ZNF536: variants seen among roughly 807,000 people sequenced by gnomAD.
The protein encoded by ZNF536 is zinc finger protein 536.
Under a neutral mutation model 84.5 loss-of-function variants are expected in ZNF536, and 13 were observed. The ratio of observed to expected loss-of-function variants is 0.15; its 90% CI spans 0.10 to 0.24. The LOEUF (loss-of-function observed/expected upper bound fraction) is 0.24. Ranked by LOEUF, ZNF536 falls within the 10% of genes least tolerant of loss-of-function variation. ZNF536 has a pLI of 1.00. For missense variants in ZNF536, 1,536 were observed against 1,747.5 expected (o/e 0.88, Z 2.16); for synonymous variants, 811 against 742.5 (o/e 1.09, Z -1.50).
intron 1 of ZNF536, among the ~76,000 whole-genome samples, chr19:30,689,834 AG>A (rs2051339769): frequency 1.3e-5 from 2 of 152,254 alleles, no homozygotes; most frequent in African/African-American, 4.8e-5. Context: ...ATAAAAAAAC[AG>A]GTACACAGGC....
chr19:30,467,676 C>T (rs1345833137), intron 2 of ZNF536, among the ~76,000 whole-genome samples: 1 of 152,240 alleles, frequency 6.6e-6, no homozygotes, highest in African/African-American at 2.4e-5. Flanking sequence ...ATGCTACTGG[C>T]TCTCCAGAGG....
intron 3 of ZNF536, among the ~76,000 whole-genome samples, chr19:30,544,095 A>G (rs771268958): frequency 6.6e-6 from 1 of 152,228 alleles, no homozygotes; most frequent in Non-Finnish European, 1.5e-5. Context: ...CTTTGTGAAC[A>G]TAAGTCCAAA....
rs368661612 is a variant in ZNF536 at position 30,548,120 on chromosome 19, G to T, written c.2501G>T (p.Arg834Met). ...TCAAGCAAAGCTTCTCTGTTCATCA[G>T]GCCAGACATCCTGAGGGGGGCCTTC... Reference protein sequence around the residue: ...EMSSKASLFIRPDILRGAFKG... With the variant: ...EMSSKASLFIMPDILRGAFKG... Residue 834 changes from arginine (R) to methionine (M), a missense_variant, in exon 4 of 5, where the codon AGG becomes ATG. Arg to Met is a moderately conservative substitution (Grantham distance 91). Transcript: ENST00000355537. 16 of 1,613,968 alleles carry T rather than the reference G, an allele frequency of 9.9e-6. No homozygotes were observed. The highest frequency in any genetic ancestry group is 5.3e-5 in the African/African-American group (4 of 74,944).
In ZNF536 at chr19:30,474,010, C is replaced by T. The variant is rs185123121; in HGVS notation, c.2170+28278C>T. Reference sequence around the variant, plus strand: ...TGTTAGGATGAGATGATGTGCCTGGCCCATAGTAGCTGCTCAGTGAATATT... The same window carrying T: ...TGTTAGGATGAGATGATGTGCCTGGTCCATAGTAGCTGCTCAGTGAATATT... On this transcript the variant is annotated intron_variant, in intron 2 of 4. Coordinates refer to ENST00000355537, the MANE Select transcript of ZNF536 (RefSeq NM_014717.3). Among the ~76,000 whole-genome samples the T allele has an allele frequency of 2.1e-3, 320 of 152,296 alleles. 1 individual carries two copies. Among genetic ancestry groups the T allele is most frequent in the Non-Finnish European group, 3.9e-3 (267 of 68,026 alleles).
intron 1 of ZNF536, among the ~76,000 whole-genome samples, chr19:30,650,980 G>C (rs1245577792): frequency 6.6e-6 from 1 of 152,238 alleles, no homozygotes; most frequent in African/African-American, 2.4e-5. Context: ...GTGAATGACT[G>C]CATAATGATC....
At chr19:30,518,630 G>A (rs1203655567) in intron 2 of ZNF536, among the ~76,000 whole-genome samples, 2 of 152,244 alleles carry the variant, frequency 1.3e-5, no homozygotes, top group African/African-American at 2.4e-5. Context: ...TAGTGCAGAA[G>A]GACATCTGAG....
rs2052222840 is a variant in ZNF536, at chr19:30,444,543, G to C, written c.981G>C (p.Glu327Asp). The change falls in exon 2 of 5, where the codon GAG becomes GAC. Residue 327 changes from glutamate (E) to aspartate (D), a missense_variant. By Grantham distance (45) the Glu-to-Asp change is conservative. Around this residue, in one of 8 missense-constraint regions of ZNF536, gnomAD observed 61 missense variants for 104.0 expected, o/e 0.59. Transcript: ENST00000355537. ...TGGAGAAGGCACACATCACGGCCGA[G>C]TCGGCCCAGGGCCAGGGCCCCAACG... The part of the protein sequence containing the change: ...SHVEKAHITA[E>D]SAQGQGPNGG... 1 of 1,613,244 alleles carries C rather than the reference G, an allele frequency of 6.2e-7. No homozygotes were observed. The highest frequency in any genetic ancestry group is 1.1e-5 in the South Asian group (1 of 91,050).
rs546479289 is a variant in ZNF536, at chr19:30,658,260, G to C, written c.170-52497G>C. On this transcript the variant is annotated intron_variant, in intron 1 of 1. Transcript: ENST00000592773. ...TAGTCTTGAAGTTCTGACTTCAAGT[G>C]ATCTGCCCACTTTGGCCTCCCAAAG... Among the ~76,000 whole-genome samples, 224 of 152,180 alleles carry C rather than the reference G, an allele frequency of 1.5e-3. 1 individual carries two copies. The highest frequency in any genetic ancestry group is 5.1e-3 in the African/African-American group (213 of 41,530).
intron 1 of ZNF536, among the ~76,000 whole-genome samples, chr19:30,274,401 C>A (rs1195140808): frequency 6.6e-6 from 1 of 152,126 alleles, no homozygotes; most frequent in Admixed American, 6.6e-5. Flanking sequence ...TTCAGTGTAT[C>A]CATAATATTA....
intron 1 of ZNF536, among the ~76,000 whole-genome samples, chr19:30,648,408 C>T (rs1446528246): frequency 1.8e-4 from 27 of 152,112 alleles, no homozygotes; most frequent in Admixed American, 1.7e-3. Flanking sequence ...TTCTGCAAAC[C>T]CACAGGCGCT....
chr19:30,266,513 A>G (rs1055382901), intron 1 of ZNF536, among the ~76,000 whole-genome samples: 6 of 152,132 alleles, frequency 3.9e-5, no homozygotes, highest in African/African-American at 1.2e-4. Context: ...TCTCGTCTGT[A>G]TCTCTCTCCT....
chr19:30,709,608 G>A (rs765840344), intron 1 of ZNF536, among the ~76,000 whole-genome samples: 13 of 152,070 alleles, frequency 8.5e-5, no homozygotes, highest in Non-Finnish European at 1.8e-4. Flanking sequence ...TCTAACTATT[G>A]CCTGGTTTTT....
chr19:30,313,785 G>A (rs990744125), intron 2 of ZNF536, among the ~76,000 whole-genome samples: 1 of 152,152 alleles, frequency 6.6e-6, no homozygotes, highest in African/African-American at 2.4e-5. Flanking sequence ...TGGGTTCCCC[G>A]TTAAGGAAAA....
intron 1 of ZNF536, among the ~76,000 whole-genome samples, chr19:30,621,001 A>G (rs1262020285): frequency 1.3e-5 from 2 of 152,176 alleles, no homozygotes; most frequent in African/African-American, 4.8e-5. Context: ...TCTAATCAAG[A>G]GTATTCTTTA....
intron 1 of ZNF536, among the ~76,000 whole-genome samples, chr19:30,273,209 T>C (rs923860486): frequency 6.7e-6 from 1 of 150,330 alleles, no homozygotes; most frequent in Non-Finnish European, 1.5e-5. Flanking sequence ...GCCATGCAGA[T>C]TGTGTGTGTG....
At chr19:30,329,954 A>G (rs1354156467) in intron 2 of ZNF536, among the ~76,000 whole-genome samples, 3 of 152,236 alleles carry the variant, frequency 2.0e-5, no homozygotes, top group African/African-American at 7.2e-5. Context: ...GGACTAAAAT[A>G]TTGCAAAGTA....
intron 2 of ZNF536, among the ~76,000 whole-genome samples, chr19:30,341,635 T>C (rs1251743800): frequency 6.6e-6 from 1 of 152,172 alleles, no homozygotes; most frequent in Non-Finnish European, 1.5e-5. Context: ...CCTCATCTCT[T>C]TGTGCAGTAG....
intron 1 of ZNF536, among the ~76,000 whole-genome samples, chr19:30,276,113 G>A (rs775703013): frequency 2.8e-4 from 42 of 152,092 alleles, no homozygotes; most frequent in Non-Finnish European, 4.3e-4. Context: ...GGGAGTGCAG[G>A]GAGCCGACTG....
intron 3 of ZNF536, among the ~76,000 whole-genome samples, chr19:30,352,639 T>C (rs1047328870): frequency 5.9e-5 from 9 of 151,978 alleles, no homozygotes; most frequent in South Asian, 2.1e-4. Context: ...CCAACCCAGA[T>C]AGGAGTCCCG....
Sources: allele counts gnomAD v4.1 joint callset (sites outside exome capture counted in the v4.1 genomes callset), GRCh38; gene constraint gnomAD v4.1.1; regional missense constraint gnomAD v4.1.1; transcripts MANE v1.5; gene names NCBI Gene and HGNC (gene_info 2026-07-23, HGNC 2026-07-21).